ZC3H12B: variants seen among roughly 807,000 people sequenced by gnomAD.
ZC3H12B encodes probable ribonuclease ZC3H12B.
Under a neutral mutation model 43.9 loss-of-function variants are expected in ZC3H12B, and 7 were observed. That is an observed-to-expected ratio of 0.16 (90% CI 0.09 to 0.30). ZC3H12B has a LOEUF of 0.30. Among genes scored for constraint, ZC3H12B ranks in the 10% least tolerant of loss-of-function variants. ZC3H12B has a pLI of 1.00. For synonymous variants in ZC3H12B, 222 were observed against 241.7 expected (o/e 0.92, Z 0.76); for missense variants, 475 against 670.2 (o/e 0.71, Z 3.22).
chrX:65,469,449 G>A (rs996884906), intron 3 of ZC3H12B: 1 of 447,992 alleles, frequency 2.2e-6, no homozygotes, highest in Admixed American at 3.1e-5. Context: ...GGGCCTCAAT[G>A]ACTCCATGCT....
At chrX:65,324,021 G>A in the ZC3H12B span, among the ~76,000 whole-genome samples, 1 of 111,936 alleles carries the variant, frequency 8.9e-6, no homozygotes, top group Non-Finnish European at 1.9e-5. Context: ...CATATACTTT[G>A]CCCACTTTTT....
chrX:65,064,352 T>C, the ZC3H12B span, among the ~76,000 whole-genome samples: 17 of 112,302 alleles, frequency 1.5e-4, no homozygotes, highest in African/African-American at 5.2e-4. Flanking sequence ...GTATGTTGTG[T>C]CTTTGTTCTC....
chrX:65,159,296 T>A, the ZC3H12B span, among the ~76,000 whole-genome samples: 1 of 112,055 alleles, frequency 8.9e-6, no homozygotes, highest in Non-Finnish European at 1.9e-5. Context: ...TTTTTCCAAT[T>A]CTGTGAAGAA....
the ZC3H12B span, among the ~76,000 whole-genome samples, chrX:65,040,794 G>T: frequency 1.8e-5 from 2 of 111,114 alleles, no homozygotes; most frequent in Non-Finnish European, 3.8e-5. Flanking sequence ...GTTTTGGGAG[G>T]GGGGAGTTGA....
intron 2 of ZC3H12B, among the ~76,000 whole-genome samples, chrX:65,498,738 C>T (rs913321511): frequency 8.9e-6 from 1 of 112,191 alleles, no homozygotes; most frequent in Non-Finnish European, 1.9e-5. Flanking sequence ...TCTCACTCTT[C>T]ATGGTAGTTT....
chrX:65,362,153 C>T (rs1356099160), upstream of ZC3H12B, among the ~76,000 whole-genome samples: 4 of 112,096 alleles, frequency 3.6e-5, no homozygotes, highest in Non-Finnish European at 7.5e-5. Flanking sequence ...CTGACTGACT[C>T]CTTCCCAGAT....
At chrX:65,178,158 G>A in the ZC3H12B span, among the ~76,000 whole-genome samples, 1 of 112,079 alleles carries the variant, frequency 8.9e-6, no homozygotes, top group Non-Finnish European at 1.9e-5. Flanking sequence ...CACAAGCAAT[G>A]GGGAAAGTAT....
the ZC3H12B span, among the ~76,000 whole-genome samples, chrX:65,214,903 T>C: frequency 2.7e-5 from 3 of 111,818 alleles, no homozygotes; most frequent in Admixed American, 1.9e-4. Context: ...AGTTGCAGAA[T>C]GGATGTTGTG....
intron 2 of ZC3H12B, among the ~76,000 whole-genome samples, chrX:65,385,016 T>G (rs962475188): frequency 4.5e-5 from 5 of 112,156 alleles, no homozygotes; most frequent in African/African-American, 1.6e-4. Context: ...ACATCTCTGT[T>G]TTGGTACCAG....
the ZC3H12B span, among the ~76,000 whole-genome samples, chrX:65,038,473 A>T: frequency 1.8e-5 from 2 of 111,957 alleles, no homozygotes; most frequent in Non-Finnish European, 3.8e-5. Flanking sequence ...TTAACCAGTT[A>T]ACAGATAGCA....
chrX:65,137,491 G>T, the ZC3H12B span, among the ~76,000 whole-genome samples: 1 of 111,800 alleles, frequency 8.9e-6, no homozygotes, highest in African/African-American at 3.2e-5. Flanking sequence ...AAGTAACCTA[G>T]AATAAAATAT....
the ZC3H12B span, among the ~76,000 whole-genome samples, chrX:65,360,459 A>G: frequency 8.9e-6 from 1 of 112,526 alleles, no homozygotes; most frequent in African/African-American, 3.2e-5. Flanking sequence ...GAAGCTCAGT[A>G]TCATTAGCTA....
the ZC3H12B span, among the ~76,000 whole-genome samples, chrX:65,179,372 G>A: frequency 2.8e-5 from 3 of 107,296 alleles, no homozygotes; most frequent in East Asian, 8.7e-4. Context: ...AAACCTGCAT[G>A]TTCTGCACAT....
intron 3 of ZC3H12B, among the ~76,000 whole-genome samples, chrX:65,401,734 A>T (rs1416527918): frequency 8.9e-6 from 1 of 111,785 alleles, no homozygotes; most frequent in Non-Finnish European, 1.9e-5. Context: ...CTTGCATCTT[A>T]GATACCACCT....
the ZC3H12B span, among the ~76,000 whole-genome samples, chrX:65,192,160 G>C: frequency 9.1e-6 from 1 of 109,418 alleles, no homozygotes. Context: ...ACTGTGGTCT[G>C]AGAGATAGTT....
At chrX:65,355,607 G>A in the ZC3H12B span, among the ~76,000 whole-genome samples, 1 of 111,497 alleles carries the variant, frequency 9.0e-6, no homozygotes, top group Non-Finnish European at 1.9e-5. Flanking sequence ...ATTTGGGGGT[G>A]AGAAATACCA....
chrX:65,213,372 G>A, the ZC3H12B span, among the ~76,000 whole-genome samples: 3 of 110,980 alleles, frequency 2.7e-5, no homozygotes, highest in African/African-American at 9.8e-5. Flanking sequence ...ATTATCTTAT[G>A]TGTCCCAATA....
intron 2 of ZC3H12B, among the ~76,000 whole-genome samples, chrX:65,379,250 C>CT (rs1396162025): frequency 4.5e-5 from 5 of 111,840 alleles, no homozygotes; most frequent in African/African-American, 1.6e-4. Flanking sequence ...CAGCACGCAG[C>CT]TGGAGATCCG....
chrX:65,441,923 A>T (rs2067306576), intron 3 of ZC3H12B, among the ~76,000 whole-genome samples: 1 of 109,518 alleles, frequency 9.1e-6, no homozygotes, highest in African/African-American at 3.3e-5. Flanking sequence ...CCGAAATCGG[A>T]TCCCCTTCTT....
Sources: allele counts gnomAD v4.1 joint callset (sites outside exome capture counted in the v4.1 genomes callset), GRCh38; gene constraint gnomAD v4.1.1; transcripts MANE v1.5; gene names NCBI Gene and HGNC (gene_info 2026-07-23, HGNC 2026-07-21).